AHCYL2: variants seen among roughly 807,000 people sequenced by gnomAD.
The protein encoded by AHCYL2 is S-adenosylhomocysteine hydrolase-like protein 2.
AHCYL2 carries 28 observed loss-of-function variants against 81.4 expected under a neutral mutation model. The ratio of observed to expected loss-of-function variants is 0.34; its 90% CI spans 0.25 to 0.47. The LOEUF (loss-of-function observed/expected upper bound fraction) is 0.47. AHCYL2 is among the 20% of genes least tolerant of loss of function. AHCYL2 has a pLI of 1.00. For synonymous variants in AHCYL2, 272 were observed against 290.2 expected, an observed-to-expected ratio of 0.94 and a Z score of 0.64; for missense variants, 551 against 785.1, an observed-to-expected ratio of 0.70 and a Z score of 3.56.
At chr7:129,273,321 C>CTTTTTTTTTTTTTTTTTTTTTTTTTT in intron 1 of AHCYL2, among the ~76,000 whole-genome samples, 1 of 75,888 alleles carries the variant, frequency 1.3e-5, no homozygotes. Flanking sequence ...TTTGCTAAGA[C>CTTTTTTTTTTTTTTTTTTTTTTTTTT]TTTTTTTTTT....
intron 13 of AHCYL2, 109 bp from the exon 14 acceptor site, chr7:129,424,765 T>A: frequency 8.9e-7 from 1 of 1,125,418 alleles, no homozygotes; most frequent in Non-Finnish European, 1.4e-6. Flanking sequence ...TTTCCAGCAG[T>A]GTTAGTCAGG....
intron 1 of AHCYL2, among the ~76,000 whole-genome samples, chr7:129,330,805 A>G (rs1798393471): frequency 1.3e-5 from 2 of 152,222 alleles, no homozygotes; most frequent in Admixed American, 1.3e-4. Flanking sequence ...CCACTTTTGT[A>G]GTAGGATGGT....
chr7:129,238,666 C>G (rs1479920061), intron 1 of AHCYL2, among the ~76,000 whole-genome samples: 1 of 152,152 alleles, frequency 6.6e-6, no homozygotes, highest in Non-Finnish European at 1.5e-5. Flanking sequence ...GTCAGAACCT[C>G]TGTGGCCGGG....
At chr7:129,380,575 G>T (rs539830234) in intron 2 of AHCYL2, among the ~76,000 whole-genome samples, 1 of 152,300 alleles carries the variant, frequency 6.6e-6, no homozygotes, top group East Asian at 1.9e-4. Flanking sequence ...TTGAAAAACA[G>T]TTGTTTGGGA....
chr7:129,231,955 G>A (rs1260306094), intron 1 of AHCYL2, among the ~76,000 whole-genome samples: 1 of 151,406 alleles, frequency 6.6e-6, no homozygotes, highest in African/African-American at 2.4e-5. Flanking sequence ...TTTTTCAAGG[G>A]TCTATCAGTA....
At chr7:129,383,192 G>T (rs1459007517) in intron 2 of AHCYL2, among the ~76,000 whole-genome samples, 1 of 151,572 alleles carries the variant, frequency 6.6e-6, no homozygotes, top group African/African-American at 2.4e-5. Flanking sequence ...AAGAGACAGG[G>T]TCTTGCTTTG....
At position 129,267,217 on chromosome 7, in the gene AHCYL2, A is replaced by C. The variant is rs180859780; in HGVS notation, c.363+41778A>C. On this transcript the variant is annotated intron_variant, in intron 1 of 16. Coordinates refer to ENST00000325006, the MANE Select transcript of AHCYL2 (RefSeq NM_015328.4). ...GAGTAGTACACCCTCCAAGTTATTG[A>C]GTTCACTCAAGGGGTGTGTGTGTGT... 7.7e-3 allele frequency among the ~76,000 whole-genome samples: 848 copies of C among 109,542 alleles called. 7 individuals are homozygous for C. Among genetic ancestry groups the C allele is most frequent in the African/African-American group, 0.026 (800 of 30,852 alleles). 71.9% of individuals were successfully genotyped at this position (109,542 alleles called of 152,430 possible).
Position 129,251,449 on chromosome 7 carries a change from A to G in AHCYL2, c.363+26010A>G, listed in dbSNP as rs564449768. On this transcript the variant is annotated intron_variant, in intron 1 of 16. Coordinates refer to ENST00000325006, the MANE Select transcript of AHCYL2 (RefSeq NM_015328.4). ...TTTTCATTCTCTAAATTCTTGAAGC[A>G]TTCTAGAGTAGGAATTGTTGTCTAT... 1.3e-4 allele frequency among the ~76,000 whole-genome samples: 20 copies of G among 151,466 alleles called. No individual in the cohort carries two copies. The South Asian group carries it at 3.5e-3, about 27-fold the overall frequency.
chr7:129,405,740 C>A, intron 8 of AHCYL2, 96 bp from the exon 9 acceptor site: 5 of 1,184,224 alleles, frequency 4.2e-6, no homozygotes, highest in Admixed American at 2.6e-5. Flanking sequence ...AATGAAAAAC[C>A]AACCAAAAAA....
At chr7:129,342,919 ATG>A (rs1177876606) in intron 1 of AHCYL2, among the ~76,000 whole-genome samples, 3 of 152,286 alleles carry the variant, frequency 2.0e-5, no homozygotes, top group African/African-American at 4.8e-5. Context: ...TATTTATACT[ATG>A]TATCTTGAAA....
chr7:129,249,626 C>G (rs901841765), intron 1 of AHCYL2, among the ~76,000 whole-genome samples: 2 of 151,908 alleles, frequency 1.3e-5, no homozygotes, highest in South Asian at 2.1e-4. Flanking sequence ...GGGGTTTCAC[C>G]TTGTTAGCCA....
In AHCYL2 at chr7:129,379,613, A is replaced by G. The variant is rs1255832765; in HGVS notation, c.364-25A>G. 11 of 1,584,974 alleles carry G rather than the reference A, an allele frequency of 6.9e-6. No homozygotes were observed. In the East Asian group the frequency reaches 2.0e-4, roughly 29 times the overall value. The stretch of plus-strand genomic sequence containing the variant: ...CTCAAAATGGAGGTTCTTTTTCTTT[A>G]TATAACTAGGTTTCTTTTTCTTAGC... On this transcript the variant is annotated intron_variant, in intron 1 of 16. Coordinates refer to ENST00000325006, the MANE Select transcript of AHCYL2 (RefSeq NM_015328.4).
intron 1 of AHCYL2, among the ~76,000 whole-genome samples, chr7:129,229,708 A>G (rs1182358360): frequency 2.0e-5 from 3 of 152,242 alleles, no homozygotes; most frequent in Non-Finnish European, 4.4e-5. Context: ...GGTCTGAGTT[A>G]GAGCTTTAGG....
intron 6 of AHCYL2, among the ~76,000 whole-genome samples, chr7:129,400,959 A>G (rs1796001505): frequency 6.6e-6 from 1 of 152,108 alleles, no homozygotes; most frequent in South Asian, 2.1e-4. Flanking sequence ...TTTTTGCTTC[A>G]TTTTTATTTT....
chr7:129,348,402 CCA>C (rs1554484651), intron 1 of AHCYL2, among the ~76,000 whole-genome samples: 1 of 149,492 alleles, frequency 6.7e-6, no homozygotes. Context: ...AACCCCCCCC[CCA>C]CACACACACA....
In AHCYL2 at chr7:129,413,893, G is replaced by T. The variant is rs530124038; in HGVS notation, c.1461+205G>T. 3.9e-5 allele frequency among the ~76,000 whole-genome samples: 6 copies of T among 152,238 alleles called. No individual in the cohort carries two copies. In the South Asian group the frequency reaches 1.2e-3, roughly 32 times the overall value. On this transcript the variant is annotated intron_variant, in intron 12 of 16. Transcript: ENST00000325006. ...CTCAATTTAATAATTCTAAATGATT[G>T]TCATCTTCTATTCAAGCTCGATGCC...
intron 1 of AHCYL2, among the ~76,000 whole-genome samples, chr7:129,230,624 G>C (rs1042714663): frequency 6.7e-6 from 1 of 149,858 alleles, no homozygotes; most frequent in African/African-American, 2.5e-5. Flanking sequence ...CCAGGCTGGA[G>C]TGCAGTGGTG....
intron 2 of AHCYL2, among the ~76,000 whole-genome samples, chr7:129,387,907 C>G (rs956483117): frequency 6.6e-6 from 1 of 152,200 alleles, no homozygotes; most frequent in African/African-American, 2.4e-5. Context: ...TCTGAAGCCC[C>G]TGCTGCCCAA....
In AHCYL2 at chr7:129,426,590, G is replaced by A; in HGVS notation, c.1829+27G>A. ...TGCCTTGGGCTCCCCAGAAATCAGG[G>A]ACACCTGGGCAGTGATGAGCTTCCT... On this transcript the variant is annotated intron_variant, in intron 16 of 16. Coordinates refer to ENST00000325006, the MANE Select transcript of AHCYL2 (RefSeq NM_015328.4). This position sits in a 1 kb window ranked among gnomAD's most constrained non-coding sequence, Gnocchi z 4.3. 2 of 1,609,576 alleles carry A rather than the reference G, an allele frequency of 1.2e-6. No homozygotes were observed. Among genetic ancestry groups the A allele is most frequent in the East Asian group, 2.2e-5 (1 of 44,862 alleles).
Sources: gnomAD v4.1 joint callset for allele counts (sites outside exome capture counted in the v4.1 genomes callset) on GRCh38, gnomAD v4.1.1 for gene constraint, Gnocchi (gnomAD v3.1) non-coding constraint, MANE v1.5 for transcripts, NCBI Gene and HGNC (gene_info 2026-07-23, HGNC 2026-07-21) for gene names.